Variants in DACH1 observed in about 807,000 individuals in gnomAD.
DACH1 encodes the protein dachshund homolog 1.
A neutral mutation model predicts 54.2 loss-of-function variants in DACH1; 12 were observed. The ratio of observed to expected loss-of-function variants is 0.22; its 90% CI spans 0.14 to 0.36. DACH1 has a LOEUF of 0.36. Ranked by LOEUF, DACH1 falls within the 10% of genes least tolerant of loss-of-function variation. The pLI, the probability that DACH1 is intolerant of heterozygous loss-of-function variation, is 1.00. For missense variants in DACH1, 805 were observed against 929.8 expected, an observed-to-expected ratio of 0.87 and a Z score of 1.75; for synonymous variants, 386 against 366.2, an observed-to-expected ratio of 1.05 and a Z score of -0.62.
At chr13:71,748,251 C>T (rs1046033822) in intron 1 of DACH1, among the ~76,000 whole-genome samples, 3 of 151,414 alleles carry the variant, frequency 2.0e-5, no homozygotes, top group African/African-American at 7.3e-5. Flanking sequence ...ATTGTCTCTG[C>T]TCAGCAAAAA....
At chr13:71,623,963 T>C (rs1305824933) in intron 3 of DACH1, among the ~76,000 whole-genome samples, 1 of 151,918 alleles carries the variant, frequency 6.6e-6, no homozygotes, top group African/African-American at 2.4e-5. Context: ...CACATTAGAC[T>C]CTAATTCAAA....
At chr13:71,754,117 ATCC>A (rs1235642128) in intron 1 of DACH1, among the ~76,000 whole-genome samples, 11 of 152,024 alleles carry the variant, frequency 7.2e-5, no homozygotes, top group Non-Finnish European at 1.6e-4. Flanking sequence ...TTTTTTTCAT[ATCC>A]TGTTTCAGCA....
rs139223587 is a variant in DACH1 at position 71,497,858 on chromosome 13, TGACA to T, written c.1571-8714_1571-8711del. 2.3e-3 allele frequency among the ~76,000 whole-genome samples: 153 copies of T among 66,756 alleles called. 2 individuals are homozygous for T. The highest frequency in any genetic ancestry group is 7.7e-3 in the African/African-American group (144 of 18,796). 43.8% of individuals were successfully genotyped at this position (66,756 alleles called of 152,430 possible). Reference sequence around the variant, plus strand: ...GGCAGGACCTAGAGGAAATATGTGTTGACACACACACACACACACACACACACAC... The same window carrying T: ...GGCAGGACCTAGAGGAAATATGTGTTCACACACACACACACACACACACAC... On this transcript the variant is annotated intron_variant, in intron 6 of 10. Coordinates refer to ENST00000613252, the MANE Select transcript of DACH1 (RefSeq NM_080759.6).
Position 71,743,296 on chromosome 13 carries a change from A to C in DACH1, c.849-61386T>G, listed in dbSNP as rs192933598. ...ATATGTGGAACAGAGTGGGGGGAAA[A>C]GCCATGGCAGAAGACCCCAATAAAG... On this transcript the variant is annotated intron_variant, in intron 1 of 10. Coordinates refer to ENST00000613252, the MANE Select transcript of DACH1 (RefSeq NM_080759.6). Among the ~76,000 whole-genome samples, 4 of 152,294 alleles carry C rather than the reference A, an allele frequency of 2.6e-5. No individual in the cohort carries two copies. The East Asian group carries it at 7.7e-4, about 29-fold the overall frequency.
chr13:71,780,500 C>T (rs1401541748), intron 1 of DACH1, among the ~76,000 whole-genome samples: 1 of 151,868 alleles, frequency 6.6e-6, no homozygotes, highest in African/African-American at 2.4e-5. Flanking sequence ...GAAACAGAGG[C>T]TACCACATAT....
chr13:71,585,529 C>T (rs924264639), intron 3 of DACH1, among the ~76,000 whole-genome samples: 1 of 152,142 alleles, frequency 6.6e-6, no homozygotes, highest in African/African-American at 2.4e-5. Context: ...CAACAGCACA[C>T]ACCCAGTTCA....
intron 6 of DACH1, among the ~76,000 whole-genome samples, chr13:71,513,203 G>C (rs901991268): frequency 8.6e-5 from 13 of 151,884 alleles, no homozygotes; most frequent in Non-Finnish European, 1.8e-4. Flanking sequence ...TCTTAAGTGG[G>C]TTAAACATGC....
At chr13:71,738,812 A>G (rs1406216241) in intron 1 of DACH1, among the ~76,000 whole-genome samples, 1 of 151,000 alleles carries the variant, frequency 6.6e-6, no homozygotes. Context: ...GGAAAAGAGA[A>G]TAAGGACTGA....
chr13:71,830,467 G>A (rs1888543092), intron 1 of DACH1, among the ~76,000 whole-genome samples: 1 of 151,884 alleles, frequency 6.6e-6, no homozygotes. Flanking sequence ...AGTGCTTTTA[G>A]CAGCACTAGA....
chr13:71,865,446 G>C (rs1184326005), intron 1 of DACH1, among the ~76,000 whole-genome samples: 4 of 152,130 alleles, frequency 2.6e-5, no homozygotes, highest in African/African-American at 7.2e-5. Flanking sequence ...ACCTCCCCCC[G>C]CCCCCGGGAC....
intron 3 of DACH1, among the ~76,000 whole-genome samples, chr13:71,600,494 C>T (rs1874414001): frequency 6.6e-6 from 1 of 151,786 alleles, no homozygotes; most frequent in Non-Finnish European, 1.5e-5. Context: ...ATGTTATATC[C>T]TTATAATATA....
chr13:71,787,682 C>T (rs1017482767), intron 1 of DACH1, among the ~76,000 whole-genome samples: 33 of 152,156 alleles, frequency 2.2e-4, no homozygotes, highest in African/African-American at 6.3e-4. Context: ...AAATTTAGCA[C>T]GCACCCCTTA....
chr13:71,748,412 A>T (rs1884703828), intron 1 of DACH1, among the ~76,000 whole-genome samples: 1 of 152,232 alleles, frequency 6.6e-6, no homozygotes, highest in African/African-American at 2.4e-5. Context: ...CATTTTACAG[A>T]TGGAATAAAA....
chr13:71,438,595 CATAA>C lies in DACH1; in HGVS notation c.*2056_*2059del, dbSNP rs1442425326. ...ATGTATTTTAAAACTATTTAATCCACATAACAAACAGGTGACTCTATGCCAGGAG... is the reference window on the plus strand; with the variant it reads ...ATGTATTTTAAAACTATTTAATCCACCAAACAGGTGACTCTATGCCAGGAG... On this transcript the variant is annotated 3_prime_UTR_variant, in exon 11 of 11. Coordinates refer to ENST00000613252, the MANE Select transcript of DACH1 (RefSeq NM_080759.6). The C allele has an allele frequency of 1.5e-4, 3 of 19,612 alleles. No homozygotes were observed. The East Asian group carries it at 0.056, about 363-fold the overall frequency. 1.2% of individuals were successfully genotyped at this position (19,612 alleles called of 1,614,324 possible). A position where few individuals can be genotyped will look rare whatever the true frequency, so the allele number is the denominator to read the frequency against.
At chr13:71,468,817 T>TTTTC (rs560273831) in intron 10 of DACH1, among the ~76,000 whole-genome samples, 161 of 152,372 alleles carry the variant, frequency 1.1e-3, no homozygotes, top group African/African-American at 3.7e-3. Context: ...TGTCACTTTA[T>TTTTC]TTTCTTTGCT....
intron 1 of DACH1, among the ~76,000 whole-genome samples, chr13:71,760,626 A>G (rs1805163787): frequency 6.6e-6 from 1 of 152,174 alleles, no homozygotes; most frequent in African/African-American, 2.4e-5. Flanking sequence ...AGGAAAGGAC[A>G]CAGCCTTGTC....
chr13:71,813,266 C>A (rs1314160839), intron 1 of DACH1, among the ~76,000 whole-genome samples: 3 of 152,134 alleles, frequency 2.0e-5, no homozygotes. Flanking sequence ...TACCCATAAT[C>A]ATAAAATTAT....
intron 1 of DACH1, among the ~76,000 whole-genome samples, chr13:71,827,163 C>G (rs1202479750): frequency 6.6e-6 from 1 of 152,034 alleles, no homozygotes; most frequent in Non-Finnish European, 1.5e-5. Context: ...AGTCCAAACT[C>G]CAGCATGCAA....
At chr13:71,491,672 C>T (rs895270363) in intron 6 of DACH1, among the ~76,000 whole-genome samples, 1 of 152,116 alleles carries the variant, frequency 6.6e-6, no homozygotes, top group African/African-American at 2.4e-5. Flanking sequence ...AAACAAACTA[C>T]TTGAAGATCA....
Sources: allele counts gnomAD v4.1 joint callset (sites outside exome capture counted in the v4.1 genomes callset), GRCh38; gene constraint gnomAD v4.1.1; transcripts MANE v1.5; gene names NCBI Gene and HGNC (gene_info 2026-07-23, HGNC 2026-07-21).